Variants in STEAP1B observed in about 807,000 individuals in gnomAD.
STEAP1B encodes STEAP family protein MGC87042.
STEAP1B carries 13 observed loss-of-function variants against 27.9 expected under a neutral mutation model. That is an observed-to-expected ratio of 0.47 (90% CI 0.30 to 0.74). The LOEUF (loss-of-function observed/expected upper bound fraction) is 0.74, where lower values mean the gene tolerates loss of function less well. Among genes scored for constraint, STEAP1B ranks in the 30% least tolerant of loss-of-function variants. The pLI is 0.06. For missense variants in STEAP1B, 250 were observed against 298.7 expected (o/e 0.84, Z 1.20); for synonymous variants, 86 against 107.1 (o/e 0.80, Z 1.22).
chr7:22,433,744 A>G (rs1486507961), intron 4 of STEAP1B, among the ~76,000 whole-genome samples: 2 of 152,218 alleles, frequency 1.3e-5, no homozygotes, highest in African/African-American at 4.8e-5. Flanking sequence ...GCTACCCACC[A>G]CTACTCATTC....
At chr7:22,462,432 C>G (rs1191310289) in intron 4 of STEAP1B, among the ~76,000 whole-genome samples, 1 of 123,886 alleles carries the variant, frequency 8.1e-6, no homozygotes, top group African/African-American at 3.1e-5. Context: ...CTTCCTGTGT[C>G]CATGTGTTCT....
chr7:22,459,508 T>C (rs1026425111), intron 4 of STEAP1B, among the ~76,000 whole-genome samples: 7 of 152,230 alleles, frequency 4.6e-5, no homozygotes. Context: ...TAATGATGTC[T>C]AAATTTTCCA....
chr7:22,482,578 C>T (rs980165668), intron 4 of STEAP1B, among the ~76,000 whole-genome samples: 2 of 152,204 alleles, frequency 1.3e-5, no homozygotes, highest in Non-Finnish European at 2.9e-5. Flanking sequence ...GGCCAGCAGC[C>T]TGGCGTTCTG....
rs148882224 is a variant in STEAP1B, at chr7:22,457,697, C to T, written c.762+34868G>A. Among the ~76,000 whole-genome samples the T allele has an allele frequency of 1.4e-3, 209 of 152,330 alleles. 2 individuals carry two copies. The highest frequency in any genetic ancestry group is 4.0e-3 in the African/African-American group (165 of 41,570). On this transcript the variant is annotated intron_variant, in intron 4 of 4. Transcript: ENST00000678116. The stretch of plus-strand genomic sequence containing the variant: ...AAGTCACACTTTCCATGTGACTGCA[C>T]CTGGCAGTTGCTGGAAGGGCTTGGG...
At chr7:22,476,983 T>C (rs1034138331) in intron 4 of STEAP1B, among the ~76,000 whole-genome samples, 13 of 152,226 alleles carry the variant, frequency 8.5e-5, no homozygotes, top group African/African-American at 3.1e-4. Context: ...AGTTCCTTGC[T>C]ATGTGGCCCT....
intron 4 of STEAP1B, among the ~76,000 whole-genome samples, chr7:22,465,313 G>A (rs953380983): frequency 6.6e-6 from 1 of 152,054 alleles, no homozygotes; most frequent in Non-Finnish European, 1.5e-5. Flanking sequence ...GGTCGACCTT[G>A]GATAAGCGAA....
At chr7:22,497,466 C>CT (rs929136283) in intron 1 of STEAP1B, among the ~76,000 whole-genome samples, 82 of 151,038 alleles carry the variant, frequency 5.4e-4, no homozygotes, top group African/African-American at 1.8e-3. Flanking sequence ...AACACATTCC[C>CT]TTTTTTTTTG....
intron 4 of STEAP1B, among the ~76,000 whole-genome samples, chr7:22,476,494 C>G (rs199663820): frequency 6.6e-6 from 1 of 152,192 alleles, no homozygotes; most frequent in African/African-American, 2.4e-5. Context: ...CCATAACAGA[C>G]TCCACCTGGG....
intron 4 of STEAP1B, among the ~76,000 whole-genome samples, chr7:22,452,690 C>G (rs1268102058): frequency 6.6e-6 from 1 of 152,156 alleles, no homozygotes; most frequent in African/African-American, 2.4e-5. Flanking sequence ...CCTTCAGTCT[C>G]GGGGTAAAAA....
chr7:22,425,493 A>C (rs976246860), intron 4 of STEAP1B, among the ~76,000 whole-genome samples: 7 of 152,214 alleles, frequency 4.6e-5, no homozygotes, highest in Non-Finnish European at 1.0e-4. Flanking sequence ...GGTTCATTAA[A>C]AAAACAGTCA....
chr7:22,459,047 T>G (rs140152104), intron 4 of STEAP1B, among the ~76,000 whole-genome samples: 1 of 152,170 alleles, frequency 6.6e-6, no homozygotes, highest in Non-Finnish European at 1.5e-5. Flanking sequence ...CCTCCAGCAA[T>G]TGACTTTGGC....
chr7:22,436,882 C>T (rs941652083), intron 4 of STEAP1B, among the ~76,000 whole-genome samples: 7 of 152,088 alleles, frequency 4.6e-5, no homozygotes, highest in Non-Finnish European at 5.9e-5. Flanking sequence ...TATAATAGAA[C>T]GATTTATATT....
chr7:22,446,587 A>G (rs1192052450), intron 4 of STEAP1B, among the ~76,000 whole-genome samples: 1 of 152,252 alleles, frequency 6.6e-6, no homozygotes, highest in Non-Finnish European at 1.5e-5. Context: ...TGGCAATTCC[A>G]ATGCGTAGCC....
chr7:22,441,669 T>A (rs1785335730), intron 4 of STEAP1B, among the ~76,000 whole-genome samples: 1 of 152,222 alleles, frequency 6.6e-6, no homozygotes, highest in African/African-American at 2.4e-5. Context: ...TTAAAATAAA[T>A]GGCCCTAGTC....
chr7:22,431,935 T>A (rs768123361), intron 4 of STEAP1B, among the ~76,000 whole-genome samples: 1 of 152,166 alleles, frequency 6.6e-6, no homozygotes, highest in African/African-American at 2.4e-5. Flanking sequence ...CCCTAGCTGC[T>A]CCAGCATTCC....
At chr7:22,463,649 C>T (rs1023104024) in intron 4 of STEAP1B, among the ~76,000 whole-genome samples, 1 of 152,124 alleles carries the variant, frequency 6.6e-6, no homozygotes, top group Non-Finnish European at 1.5e-5. Flanking sequence ...AGAAATAACG[C>T]CGCGTATCTA....
chr7:22,453,637 G>A (rs1345797821), intron 4 of STEAP1B, among the ~76,000 whole-genome samples: 1 of 152,150 alleles, frequency 6.6e-6, no homozygotes, highest in African/African-American at 2.4e-5. Flanking sequence ...ATATACCTAT[G>A]TAACAACCTT....
Position 22,498,245 on chromosome 7 carries a change from G to T in STEAP1B, c.-32+1869C>A, listed in dbSNP as rs555625893. Among the ~76,000 whole-genome samples, 5 of 152,256 alleles carry T rather than the reference G, an allele frequency of 3.3e-5. No individual in the cohort carries two copies. The East Asian group carries it at 9.7e-4, about 29-fold the overall frequency. The stretch of plus-strand genomic sequence containing the variant: ...ACTAACGTGACAACAGCACCAAGGG[G>T]GGATGGTGTTAAACCATGAGAAACT... On this transcript the variant is annotated intron_variant, in intron 1 of 4. Transcript: ENST00000678116.
At chr7:22,493,299 AAC>A in intron 3 of STEAP1B, 23 bp downstream of exon 3, 1 of 1,581,948 alleles carries the variant, frequency 6.3e-7, no homozygotes, top group Non-Finnish European at 8.6e-7. Flanking sequence ...TTTTATTAGT[AAC>A]AGTGACATCA....
Sources: gnomAD v4.1 joint callset for allele counts (sites outside exome capture counted in the v4.1 genomes callset) on GRCh38, gnomAD v4.1.1 for gene constraint, MANE v1.5 for transcripts, NCBI Gene and HGNC (gene_info 2026-07-23, HGNC 2026-07-21) for gene names.